The following CNTNAP2 variants were observed in gnomAD, a reference collection of about 807,000 sequenced individuals.
CNTNAP2 encodes the protein contactin associated protein 2, also known as contactin-associated protein-like 2.
A neutral mutation model predicts 155.2 loss-of-function variants in CNTNAP2; 98 were observed. That is an observed-to-expected ratio of 0.63 (90% confidence interval 0.54 to 0.75). The LOEUF (loss-of-function observed/expected upper bound fraction) is 0.75, where lower values mean the gene tolerates loss of function less well. CNTNAP2 is among the 30% of genes least tolerant of loss of function. The pLI, the probability that CNTNAP2 is intolerant of heterozygous loss-of-function variation, is 0.00. For missense variants in CNTNAP2, 1,727 were observed against 1,688.1 expected (o/e 1.02, Z -0.40); for synonymous variants, 651 against 631.2 (o/e 1.03, Z -0.47).
At chr7:146,290,388 G>A (rs1389416172) in intron 1 of CNTNAP2, among the ~76,000 whole-genome samples, 2 of 152,138 alleles carry the variant, frequency 1.3e-5, no homozygotes, top group Non-Finnish European at 2.9e-5. Context: ...TAAACATGAA[G>A]ACAGAACTCA....
At chr7:146,624,657 T>A (rs1457796163) in intron 1 of CNTNAP2, among the ~76,000 whole-genome samples, 1 of 152,024 alleles carries the variant, frequency 6.6e-6, no homozygotes, top group Non-Finnish European at 1.5e-5. Context: ...TGGAATACAG[T>A]AGCATGAGTC....
intron 1 of CNTNAP2, among the ~76,000 whole-genome samples, chr7:146,389,947 C>T (rs1292017633): frequency 6.6e-6 from 1 of 151,986 alleles, no homozygotes; most frequent in Admixed American, 6.6e-5. Context: ...GTGATCCTCC[C>T]ACCTTGGCCT....
chr7:147,601,663 A>G (rs1455912540), intron 12 of CNTNAP2, among the ~76,000 whole-genome samples: 1 of 146,032 alleles, frequency 6.8e-6, no homozygotes, highest in African/African-American at 2.5e-5. Context: ...ATATATATAT[A>G]TATATATATA....
intron 9 of CNTNAP2, among the ~76,000 whole-genome samples, chr7:147,349,319 A>G (rs1226192297): frequency 6.6e-6 from 1 of 151,966 alleles, no homozygotes; most frequent in African/African-American, 2.4e-5. Flanking sequence ...AAAAGATACT[A>G]TTAGCAGCTT....
intron 3 of CNTNAP2, among the ~76,000 whole-genome samples, chr7:146,849,089 A>G (rs1313749857): frequency 6.6e-6 from 1 of 152,156 alleles, no homozygotes; most frequent in Non-Finnish European, 1.5e-5. Context: ...CAAAAAGCTG[A>G]CTTTTTAAAA....
intron 4 of CNTNAP2, among the ~76,000 whole-genome samples, chr7:147,054,064 T>C (rs1049159861): frequency 6.6e-5 from 10 of 152,306 alleles, no homozygotes; most frequent in African/African-American, 2.4e-4. Flanking sequence ...GCTTCCTCTC[T>C]GACATTTAAT....
intron 15 of CNTNAP2, among the ~76,000 whole-genome samples, chr7:148,026,302 TTA>T (rs1802374570): frequency 1.3e-5 from 2 of 151,826 alleles, no homozygotes; most frequent in Non-Finnish European, 2.9e-5. Context: ...AAAATTTTTT[TTA>T]AATTAGTGTG....
intron 17 of CNTNAP2, among the ~76,000 whole-genome samples, chr7:148,151,643 AC>A (rs570048425): frequency 7.9e-4 from 120 of 152,058 alleles, no homozygotes; most frequent in African/African-American, 2.7e-3. Flanking sequence ...ACTATCCTTT[AC>A]CTTTTATTCC....
At chr7:148,089,733 C>T (rs984392306) in intron 15 of CNTNAP2, among the ~76,000 whole-genome samples, 2 of 151,478 alleles carry the variant, frequency 1.3e-5, no homozygotes, top group Non-Finnish European at 3.0e-5. Flanking sequence ...ACAGATTTAA[C>T]ATAATGCCTA....
chr7:148,238,612 G>C (rs533115879), intron 20 of CNTNAP2, among the ~76,000 whole-genome samples: 2 of 152,142 alleles, frequency 1.3e-5, no homozygotes, highest in Non-Finnish European at 2.9e-5. Flanking sequence ...ATAGCGTTTC[G>C]TAGGGGGTCA....
chr7:146,762,288 TG>T (rs1325377642), intron 1 of CNTNAP2, among the ~76,000 whole-genome samples: 4 of 152,122 alleles, frequency 2.6e-5, no homozygotes, highest in African/African-American at 9.7e-5. Flanking sequence ...ATTCTTTGAA[TG>T]TTACTGAAGC....
intron 10 of CNTNAP2, among the ~76,000 whole-genome samples, chr7:147,485,600 A>G (rs1166183617): frequency 1.3e-5 from 2 of 152,230 alleles, no homozygotes; most frequent in Non-Finnish European, 2.9e-5. Flanking sequence ...CTTATCTTCG[A>G]TCTTTCACCA....
chr7:147,283,317 G>C (rs886478360), intron 8 of CNTNAP2, among the ~76,000 whole-genome samples: 3 of 151,320 alleles, frequency 2.0e-5, no homozygotes, highest in Non-Finnish European at 4.4e-5. Context: ...TAGTTCAAAG[G>C]CTTTTTTTTA....
intron 9 of CNTNAP2, among the ~76,000 whole-genome samples, chr7:147,365,793 G>T (rs1477842991): frequency 6.6e-6 from 1 of 151,970 alleles, no homozygotes; most frequent in Non-Finnish European, 1.5e-5. Context: ...GTTTCCCATT[G>T]CTTCTAGAAT....
chr7:146,886,228 G>T, intron 3 of CNTNAP2, among the ~76,000 whole-genome samples: 1 of 147,896 alleles, frequency 6.8e-6, no homozygotes, highest in African/African-American at 2.5e-5. Flanking sequence ...GGATTTTTCT[G>T]ACTCTAAGGT....
Position 146,480,687 on chromosome 7 carries a change from C to T in CNTNAP2, c.98-293584C>T, listed in dbSNP as rs1247501203. Reference sequence around the variant, plus strand: ...AAATATATATATATTTTTTTTTTTCCTTTTTTTTTTTTTTTTTTTTAGACA... The same window carrying T: ...AAATATATATATATTTTTTTTTTTCTTTTTTTTTTTTTTTTTTTTTAGACA... On this transcript the variant is annotated intron_variant, in intron 1 of 23. Transcript: ENST00000361727. 4.6e-3 allele frequency among the ~76,000 whole-genome samples: 554 copies of T among 121,130 alleles called. 11 individuals are homozygous for T. Among genetic ancestry groups the T allele is most frequent in the African/African-American group, 0.016 (513 of 31,100 alleles). The allele number at this position is 121,130 out of a possible 152,430, so 79.5% of individuals were successfully genotyped here.
chr7:148,281,790 G>C (rs1796976728), intron 21 of CNTNAP2, among the ~76,000 whole-genome samples: 1 of 150,390 alleles, frequency 6.6e-6, no homozygotes, highest in Non-Finnish European at 1.5e-5. Flanking sequence ...GCCCAGAAAG[G>C]TTAAATGAAG....
intron 13 of CNTNAP2, among the ~76,000 whole-genome samples, chr7:147,853,770 T>C (rs1798991254): frequency 6.6e-6 from 1 of 152,228 alleles, no homozygotes; most frequent in African/African-American, 2.4e-5. Context: ...TTTTTTCTCA[T>C]TCTTTTTTAT....
rs113378410 is a variant in CNTNAP2 at position 147,440,445 on chromosome 7, T to G, written c.1670+44665T>G. ...TACCATATGTCTTCAAAAGTAGTTG[T>G]AGTTATTATTTTTGATTGGTTTATC... On this transcript the variant is annotated intron_variant, in intron 10 of 23. Coordinates refer to ENST00000361727, the MANE Select transcript of CNTNAP2 (RefSeq NM_014141.6). Among the ~76,000 whole-genome samples, 63 of 152,080 alleles carry G rather than the reference T, an allele frequency of 4.1e-4. 1 individual carries two copies. Among genetic ancestry groups the G allele is most frequent in the African/African-American group, 1.5e-3 (62 of 41,414 alleles).
Sources: gnomAD v4.1 joint callset for allele counts (sites outside exome capture counted in the v4.1 genomes callset) on GRCh38, gnomAD v4.1.1 for gene constraint, MANE v1.5 for transcripts, NCBI Gene and HGNC (gene_info 2026-07-23, HGNC 2026-07-21) for gene names.